Variants in SH3RF3 observed in about 807,000 individuals in gnomAD.
The protein encoded by SH3RF3 is SH3 domain containing ring finger 3, also known as E3 ubiquitin-protein ligase SH3RF3.
A neutral mutation model predicts 66.3 loss-of-function variants in SH3RF3; 29 were observed. The observed-to-expected ratio is 0.44, with a 90% CI of 0.33 to 0.60. The LOEUF (loss-of-function observed/expected upper bound fraction) is 0.60. Ranked by LOEUF, SH3RF3 falls within the 20% of genes least tolerant of loss-of-function variation. The probability of loss-of-function intolerance (pLI) is 0.04; values close to 1 mark genes in which losing one functional copy is unlikely to be tolerated. For synonymous variants in SH3RF3, 583 were observed against 532.0 expected, an observed-to-expected ratio of 1.10 and a Z score of -1.32; for missense variants, 1,194 against 1,190.9, an observed-to-expected ratio of 1.00 and a Z score of -0.04.
chr2:109,306,047 T>C (rs1241115954), intron 1 of SH3RF3, among the ~76,000 whole-genome samples: 2 of 152,360 alleles, frequency 1.3e-5, no homozygotes, highest in Non-Finnish European at 2.9e-5. Flanking sequence ...TCTGCTGGGC[T>C]CTTACTGGCA....
chr2:109,251,769 A>G, intron 1 of SH3RF3: 8 of 551,630 alleles, frequency 1.5e-5, no homozygotes. Flanking sequence ...AACTTTTGTA[A>G]TAGTCAAAAA....
At chr2:109,488,547 C>G (rs1016790345) in intron 8 of SH3RF3, among the ~76,000 whole-genome samples, 10 of 152,218 alleles carry the variant, frequency 6.6e-5, no homozygotes, top group Non-Finnish European at 1.2e-4. Context: ...CCTCCTCACT[C>G]CCTGCCCCCA....
At chr2:109,214,513 C>T (rs115953012) in intron 1 of SH3RF3, among the ~76,000 whole-genome samples, 3 of 151,742 alleles carry the variant, frequency 2.0e-5, no homozygotes, top group African/African-American at 7.3e-5. Context: ...CAGCCAGGCC[C>T]TGGCGTAGAA....
At chr2:109,499,263 C>G (rs1314029796) in intron 9 of SH3RF3, among the ~76,000 whole-genome samples, 2 of 152,092 alleles carry the variant, frequency 1.3e-5, no homozygotes, top group African/African-American at 2.4e-5. Flanking sequence ...CAGTCCAGTG[C>G]TGGTTATTGA....
rs576028060 is a variant in SH3RF3 at position 109,288,948 on chromosome 2, A to C, written c.574-58726A>C. Among the ~76,000 whole-genome samples, 4 of 152,326 alleles carry C rather than the reference A, an allele frequency of 2.6e-5. No individual in the cohort carries two copies. The South Asian group carries it at 8.3e-4, about 32-fold the overall frequency. On this transcript the variant is annotated intron_variant, in intron 1 of 9. Coordinates refer to ENST00000309415, the MANE Select transcript of SH3RF3 (RefSeq NM_001099289.3). ...TGACTCCAACCCATAGCTATGAATA[A>C]ATTGACAAATTTATTTGTGGGCTTA...
intron 1 of SH3RF3, among the ~76,000 whole-genome samples, chr2:109,284,386 G>T (rs1680969805): frequency 1.3e-5 from 2 of 152,224 alleles, no homozygotes; most frequent in Admixed American, 1.3e-4. Flanking sequence ...TGAAATCAAT[G>T]GAATTTGGCA....
chr2:109,176,311 T>C (rs952249653), intron 1 of SH3RF3, among the ~76,000 whole-genome samples: 1 of 152,180 alleles, frequency 6.6e-6, no homozygotes, highest in Admixed American at 6.5e-5. Flanking sequence ...GGTTATTTCA[T>C]TGAGGGCTGG....
chr2:109,251,697 T>G (rs1411958222), intron 1 of SH3RF3: 20 of 930,892 alleles, frequency 2.1e-5, no homozygotes, highest in Non-Finnish European at 2.2e-5. Flanking sequence ...TCATAGGTTC[T>G]ATTTTACTAT....
intron 1 of SH3RF3, among the ~76,000 whole-genome samples, chr2:109,317,664 A>G (rs1201092484): frequency 2.0e-5 from 3 of 152,190 alleles, no homozygotes; most frequent in Non-Finnish European, 4.4e-5. Context: ...AAATGACTTC[A>G]GGTACATAAA....
intron 6 of SH3RF3, among the ~76,000 whole-genome samples, chr2:109,434,762 C>T (rs919584667): frequency 6.6e-6 from 1 of 152,242 alleles, no homozygotes; most frequent in Non-Finnish European, 1.5e-5. Context: ...CCTCACAGGC[C>T]AGTCCCTGGG....
intron 1 of SH3RF3, among the ~76,000 whole-genome samples, chr2:109,134,319 G>A (rs1174099111): frequency 6.6e-6 from 1 of 152,092 alleles, no homozygotes; most frequent in Non-Finnish European, 1.5e-5. Context: ...GATATAATAA[G>A]GACTCCAGAG....
chr2:109,443,034 C>A (rs1677612338), intron 7 of SH3RF3, among the ~76,000 whole-genome samples: 1 of 152,224 alleles, frequency 6.6e-6, no homozygotes, highest in East Asian at 1.9e-4. Flanking sequence ...AAGTTATACA[C>A]ATTCTCATTA....
chr2:109,455,569 A>G (rs1678030172), intron 8 of SH3RF3, among the ~76,000 whole-genome samples: 1 of 152,350 alleles, frequency 6.6e-6, no homozygotes. Flanking sequence ...GAGTGTGATT[A>G]TATTTTTCAT....
chr2:109,184,607 T>C (rs1678145718), intron 1 of SH3RF3, among the ~76,000 whole-genome samples: 1 of 152,138 alleles, frequency 6.6e-6, no homozygotes, highest in Admixed American at 6.5e-5. Context: ...GCTGGGGTGC[T>C]CCTGTGCCTC....
intron 1 of SH3RF3, among the ~76,000 whole-genome samples, chr2:109,141,140 C>A (rs1387840197): frequency 6.6e-6 from 1 of 152,096 alleles, no homozygotes; most frequent in Non-Finnish European, 1.5e-5. Flanking sequence ...TGCAACCACA[C>A]CCCCCGGAGC....
chr2:109,158,938 A>G (rs1677417966), intron 1 of SH3RF3, among the ~76,000 whole-genome samples: 1 of 152,184 alleles, frequency 6.6e-6, no homozygotes. Flanking sequence ...AAACATGGTG[A>G]AACCCTGTTT....
Position 109,435,842 on chromosome 2 carries a change from T to A in SH3RF3, c.1575-1051T>A, listed in dbSNP as rs552371571. ...GAAAATGGGATTTTTAAATTCATGGTTTTGGCTGACCTGCTAACAAGCTTG... is the reference window on the plus strand; with the variant it reads ...GAAAATGGGATTTTTAAATTCATGGATTTGGCTGACCTGCTAACAAGCTTG... On this transcript the variant is annotated intron_variant, in intron 6 of 9. Transcript: ENST00000309415. Among the ~76,000 whole-genome samples the A allele has an allele frequency of 9.1e-4, 139 of 152,318 alleles. 1 individual carries two copies. The highest frequency in any genetic ancestry group is 1.6e-3 in the Non-Finnish European group (112 of 68,016).
chr2:109,351,990 T>C (rs11903017), intron 2 of SH3RF3, among the ~76,000 whole-genome samples: 19,809 of 152,280 alleles, frequency 0.13, 1,437 homozygotes, highest in Middle Eastern at 0.23. Flanking sequence ...CATAGATGGA[T>C]AAAAATCAAA....
intron 8 of SH3RF3, among the ~76,000 whole-genome samples, chr2:109,487,729 C>T (rs1371662487): frequency 6.6e-6 from 1 of 152,172 alleles, no homozygotes; most frequent in Non-Finnish European, 1.5e-5. Context: ...GCCCAAGGTG[C>T]CCTGGGAGCA....
Sources: allele counts gnomAD v4.1 joint callset (sites outside exome capture counted in the v4.1 genomes callset), GRCh38; gene constraint gnomAD v4.1.1; transcripts MANE v1.5; gene names NCBI Gene and HGNC (gene_info 2026-07-23, HGNC 2026-07-21).